POU3F3: variants seen among roughly 807,000 people sequenced by gnomAD.
POU3F3 encodes POU class 3 homeobox 3.
POU3F3 carries 1 observed loss-of-function variant against 8.6 expected under a neutral mutation model. The ratio of observed to expected loss-of-function variants is 0.12; its 90% confidence interval spans 0.04 to 0.55. The LOEUF is 0.55. POU3F3 is among the 20% of genes least tolerant of loss of function. The pLI is 0.91. For synonymous variants in POU3F3, 418 were observed against 327.4 expected (o/e 1.28, Z -2.99); for missense variants, 577 against 690.7 (o/e 0.84, Z 1.84).
At position 104,855,524 on chromosome 2, in the gene POU3F3, C is replaced by A; in HGVS notation, c.14C>A (p.Ala5Asp). ...GAGCGGAGCGGCATGGCCACGGCGG[C>A]TTCTAACCCCTACCTGCCGGGGAAC... MATA[A>D]SNPYLPGNSL... is the part of the protein sequence containing the mutation. Residue 5 changes from alanine (A) to aspartate (D), a missense_variant, in exon 1 of 1, where the codon GCT (alanine) becomes GAT (aspartate). By Grantham distance (126) the Ala-to-Asp change is moderately radical. Coordinates refer to ENST00000361360, the MANE Select transcript of POU3F3 (RefSeq NM_006236.3). 9.6e-7 allele frequency: 1 copy of A among 1,038,770 alleles called. No homozygotes were observed. Among genetic ancestry groups the A allele is most frequent in the Admixed American group, 4.8e-5 (1 of 20,696 alleles). 64.3% of individuals were successfully genotyped at this position (1,038,770 alleles called of 1,614,324 possible).
At chr2:104,871,207 C>A in the POU3F3 span, among the ~76,000 whole-genome samples, 12 of 152,204 alleles carry the variant, frequency 7.9e-5, no homozygotes, top group Admixed American at 6.5e-4. Context: ...TGTGTAACCA[C>A]CATCATCAGT....
the POU3F3 span, chr2:104,866,720 T>TG: frequency 6.6e-6 from 1 of 152,068 alleles, no homozygotes; most frequent in Non-Finnish European, 1.5e-5. Flanking sequence ...AGGAAGACTG[T>TG]GGGGAAATGG....
At position 104,855,030 on chromosome 2, in the gene POU3F3, G is replaced by A. The variant is rs953641356; in HGVS notation, c.-481G>A. On this transcript the variant is annotated 5_prime_UTR_variant, in exon 1 of 1. Coordinates refer to ENST00000361360, the MANE Select transcript of POU3F3 (RefSeq NM_006236.3). ...CGGGCTCGCCCGAGGACAGGAGGAG[G>A]AGCGGGAGCCCGCGCGTCCCGGGAG... Among the ~76,000 whole-genome samples, 2 of 152,240 alleles carry A rather than the reference G, an allele frequency of 1.3e-5. No homozygotes were observed. Among genetic ancestry groups the A allele is most frequent in the South Asian group, 2.1e-4 (1 of 4,830 alleles).
chr2:104,888,268 G>A, the POU3F3 span, among the ~76,000 whole-genome samples: 1 of 152,176 alleles, frequency 6.6e-6, no homozygotes, highest in Non-Finnish European at 1.5e-5. Flanking sequence ...CGTTTATTAC[G>A]AAGGTCTAAC....
rs1676582066 is a variant in POU3F3 at position 104,857,090 on chromosome 2, C to G, written c.*77C>G. ...CCGTCAGCACCGCCGCCGCCCCTGCCGCCGCCGCCGCCGCCGCCGCCGCCG... is the reference window on the plus strand; with the variant it reads ...CCGTCAGCACCGCCGCCGCCCCTGCGGCCGCCGCCGCCGCCGCCGCCGCCG... On this transcript the variant is annotated 3_prime_UTR_variant, in exon 1 of 1. Transcript: ENST00000361360. 1.3e-5 allele frequency: 12 copies of G among 894,924 alleles called. No homozygotes were observed. Among genetic ancestry groups the G allele is most frequent in the Non-Finnish European group, 1.5e-5 (11 of 750,978 alleles). The allele number at this position is 894,924 out of a possible 1,614,324, so 55.4% of individuals were successfully genotyped here.
the POU3F3 span, among the ~76,000 whole-genome samples, chr2:104,903,713 G>A: frequency 6.6e-6 from 1 of 152,220 alleles, no homozygotes; most frequent in Non-Finnish European, 1.5e-5. Flanking sequence ...GCAGTGGCAG[G>A]ACAAGGAGAC....
chr2:104,868,201 G>C, the POU3F3 span: 2 of 455,282 alleles, frequency 4.4e-6, no homozygotes, highest in Non-Finnish European at 8.8e-6. Context: ...CAGGCGTCTA[G>C]GAGTTGGTGG....
chr2:104,924,712 C>T, the POU3F3 span, among the ~76,000 whole-genome samples: 19 of 152,276 alleles, frequency 1.2e-4, 1 homozygote, highest in South Asian at 3.7e-3. Context: ...TCTATTCATC[C>T]TCTCTTTTTC....
the POU3F3 span, among the ~76,000 whole-genome samples, chr2:104,924,518 C>T: frequency 3.9e-5 from 6 of 152,150 alleles, no homozygotes; most frequent in Admixed American, 6.6e-5. Context: ...CTCATTACTT[C>T]GGATTAACTG....
In POU3F3 at chr2:104,855,134, C is replaced by T. The variant is rs1399609808; in HGVS notation, c.-377C>T. Among the ~76,000 whole-genome samples, 1 of 151,688 alleles carries T rather than the reference C, an allele frequency of 6.6e-6. No homozygotes were observed. Among genetic ancestry groups the T allele is most frequent in the Non-Finnish European group, 1.5e-5 (1 of 67,850 alleles). On this transcript the variant is annotated 5_prime_UTR_variant, in exon 1 of 1. Coordinates refer to ENST00000361360, the MANE Select transcript of POU3F3 (RefSeq NM_006236.3). ...CCAGCGCGCCGGGGCTGGGGGGCGG[C>T]CACGACCCCCCCTGAAGGGGGTGGC...
chr2:104,906,551 C>CT, the POU3F3 span, among the ~76,000 whole-genome samples: 2 of 152,058 alleles, frequency 1.3e-5, no homozygotes, highest in Admixed American at 6.5e-5. Flanking sequence ...CCTTGGTGTC[C>CT]TTTTTGTCAT....
chr2:104,865,044 T>G, the POU3F3 span, among the ~76,000 whole-genome samples: 1 of 152,190 alleles, frequency 6.6e-6, no homozygotes. Flanking sequence ...ATTGCCACAG[T>G]TTTAGAAATG....
the POU3F3 span, among the ~76,000 whole-genome samples, chr2:104,927,319 T>A: frequency 1.3e-5 from 2 of 151,832 alleles, no homozygotes; most frequent in Admixed American, 6.6e-5. Flanking sequence ...TCAGGAATGC[T>A]TCCTTTTGGT....
chr2:104,879,217 T>G, the POU3F3 span, among the ~76,000 whole-genome samples: 5 of 137,702 alleles, frequency 3.6e-5, no homozygotes, highest in Admixed American at 7.4e-5. Flanking sequence ...CACATACAGA[T>G]GGAGAGAGAG....
At chr2:104,864,010 T>A in the POU3F3 span, among the ~76,000 whole-genome samples, 1 of 152,188 alleles carries the variant, frequency 6.6e-6, no homozygotes, top group Non-Finnish European at 1.5e-5. Flanking sequence ...CCCCGGCGCT[T>A]GGCCCACGCC....
rs1676599266 is a variant in POU3F3, at chr2:104,857,647, G to A, written c.*634G>A. 2 of 153,646 alleles carry A rather than the reference G, an allele frequency of 1.3e-5. No individual in the cohort carries two copies. The highest frequency in any genetic ancestry group is 4.8e-5 in the African/African-American group (2 of 41,430). The allele number at this position is 153,646 out of a possible 1,614,324, so 9.5% of individuals were successfully genotyped here. ...ACCTGAGAGAAAACAGAGGCACCAG[G>A]TTCCATCAGGGGACGACACCGTGCT... On this transcript the variant is annotated 3_prime_UTR_variant, in exon 1 of 1. Transcript: ENST00000361360.
At chr2:104,880,230 A>G in the POU3F3 span, among the ~76,000 whole-genome samples, 1 of 151,604 alleles carries the variant, frequency 6.6e-6, no homozygotes, top group Non-Finnish European at 1.5e-5. Context: ...CCACCTGTTC[A>G]CTCCACAGCC....
At chr2:104,877,543 G>A in the POU3F3 span, among the ~76,000 whole-genome samples, 2 of 152,192 alleles carry the variant, frequency 1.3e-5, no homozygotes, top group Non-Finnish European at 2.9e-5. Flanking sequence ...TGCAGAGAGA[G>A]TGGGACCTGG....
chr2:104,916,783 G>C, the POU3F3 span, among the ~76,000 whole-genome samples: 1 of 152,166 alleles, frequency 6.6e-6, no homozygotes, highest in Non-Finnish European at 1.5e-5. Flanking sequence ...GCCTAACAGA[G>C]AGAGCAAATC....
Sources: gnomAD v4.1 joint callset for allele counts (sites outside exome capture counted in the v4.1 genomes callset) on GRCh38, gnomAD v4.1.1 for gene constraint, MANE v1.5 for transcripts, NCBI Gene and HGNC (gene_info 2026-07-23, HGNC 2026-07-21) for gene names.